Variants in DNAH2 observed in about 807,000 individuals in gnomAD.
The protein encoded by DNAH2 is dynein axonemal heavy chain 2.
In DNAH2, 323 loss-of-function variants were observed where a neutral mutation model predicts 523.5. The ratio of observed to expected loss-of-function variants is 0.62; its 90% CI spans 0.56 to 0.68. The LOEUF is 0.68. Among genes scored for constraint, DNAH2 ranks in the 30% least tolerant of loss-of-function variants. The pLI is 0.00. For synonymous variants in DNAH2, 2,093 were observed against 2,177.4 expected, an observed-to-expected ratio of 0.96 and a Z score of 1.08; for missense variants, 4,907 against 5,701.5, an observed-to-expected ratio of 0.86 and a Z score of 4.49.
intron 13 of DNAH2, 23 bp from the exon 14 acceptor site, chr17:7,758,472 T>C (rs1422623600): frequency 3.1e-6 from 5 of 1,606,292 alleles, no homozygotes; most frequent in Admixed American, 3.4e-5. Flanking sequence ...CCCCTCTGGA[T>C]ACCAGGCCTC....
intron 12 of DNAH2, among the ~76,000 whole-genome samples, chr17:7,756,743 T>C (rs912343555): frequency 2.0e-5 from 3 of 152,232 alleles, no homozygotes; most frequent in Non-Finnish European, 4.4e-5. Context: ...CGATCTCAGC[T>C]CACTGCAACT....
Position 7,833,164 on chromosome 17 carries a change from T to G in DNAH2, c.13072T>G (p.Cys4358Gly), listed in dbSNP as rs1597806856. The G allele has an allele frequency of 1.2e-6, 2 of 1,610,094 alleles. No individual in the cohort carries two copies. Among genetic ancestry groups the G allele is most frequent in the Non-Finnish European group, 1.7e-6 (2 of 1,180,022 alleles). ...GGAGGCAGAGCCCATGCAGCTTGTC[T>G]GCCTCATGCCCACGATCCACTTCCG... ...LVEAEPMQLV[C>G]LMPTIHFRPA... Residue 4358 changes from cysteine to glycine, a missense_variant, in exon 85 of 86, where the codon TGC becomes GGC. Cys to Gly is a radical substitution (Grantham distance 159, BLOSUM62 -3). This residue lies in a region of DNAH2 where 1,851 missense variants were observed against 2,139.4 expected (regional missense o/e 0.87). Transcript: ENST00000572933.
intron 1 of DNAH2, 46 bp downstream of exon 1, chr17:7,718,845 G>A (rs1214659814): frequency 2.6e-5 from 4 of 152,690 alleles, no homozygotes; most frequent in Admixed American, 2.6e-4. Context: ...GCAGATTTTA[G>A]TGGGATTGGG....
chr17:7,781,635 T>C (rs2076607125), intron 39 of DNAH2, among the ~76,000 whole-genome samples: 2 of 152,234 alleles, frequency 1.3e-5, no homozygotes, highest in African/African-American at 4.8e-5. Context: ...TCCTTATCTA[T>C]AAAGCAATAG....
intron 24 of DNAH2, among the ~76,000 whole-genome samples, chr17:7,768,781 G>A (rs571063395): frequency 2.6e-5 from 4 of 152,306 alleles, no homozygotes; most frequent in African/African-American, 4.8e-5. Context: ...TATGACATAT[G>A]AGTGCGATCA....
chr17:7,777,601 C>T lies in DNAH2; in HGVS notation c.5214C>T (p.Asp1738=). 1 of 1,614,196 alleles carries T rather than the reference C, an allele frequency of 6.2e-7. No individual in the cohort carries two copies. The highest frequency in any genetic ancestry group is 1.6e-4 in the Middle Eastern group (1 of 6,062). Residue 1738 remains aspartate, a synonymous_variant, in exon 33 of 86, where the codon GAC becomes GAT. Transcript: ENST00000572933. ...KSGLMDVNSF[D]WLSQLRFYWE... ...GCCTCATGGATGTCAATTCCTTTGA[C>T]TGGCTCAGCCAACTTCGGTTCTACT...
rs2075075281 is a variant in DNAH2, at chr17:7,734,221, A to C, written c.667A>C (p.Ile223Leu). Residue 223 changes from isoleucine (I) to leucine (L), a missense_variant, in exon 6 of 86, where the codon ATC (isoleucine) becomes CTC (leucine). Physicochemically the swap from Ile to Leu is conservative, Grantham distance 5. Transcript: ENST00000572933. ...YKLEGHTVLY[I>L]PAEAMNMKPE... ...ACTGGAGGGGCACACGGTCCTCTAC[A>C]TCCCTGCAGAGGCCATGAACATGAA... The C allele has an allele frequency of 1.2e-6, 2 of 1,605,236 alleles. No individual in the cohort carries two copies. Among genetic ancestry groups the C allele is most frequent in the East Asian group, 2.2e-5 (1 of 44,768 alleles).
intron 79 of DNAH2, 105 bp from the exon 80 acceptor site, chr17:7,830,981 G>T (rs2151353028): frequency 6.6e-7 from 1 of 1,507,288 alleles, no homozygotes; most frequent in East Asian, 2.3e-5. Flanking sequence ...ATGGGGAGCA[G>T]GGCAGGGAGC....
In DNAH2 at chr17:7,777,448, G is replaced by A. The variant is rs1217070005; in HGVS notation, c.5061G>A (p.Val1687=). 5.6e-6 allele frequency: 9 copies of A among 1,614,042 alleles called. No homozygotes were observed. The highest frequency in any genetic ancestry group is 8.5e-7 in the Non-Finnish European group (1 of 1,180,018). ...KILKVMKKNQ[V]SILNKYSEAI... is the part of the protein sequence containing the mutation. ...TTCCCTGCTGCTTCATGCCACAGGTGTCAATCCTGAATAAGTATTCAGAAG... is the reference window on the plus strand; with the variant it reads ...TTCCCTGCTGCTTCATGCCACAGGTATCAATCCTGAATAAGTATTCAGAAG... Residue 1687 remains valine (V), a splice_region_variant and synonymous_variant, in exon 33 of 86, where the codon GTG becomes GTA. Coordinates refer to ENST00000572933, the MANE Select transcript of DNAH2 (RefSeq NM_020877.5).
chr17:7,764,822 C>T (rs2076114772), intron 20 of DNAH2, among the ~76,000 whole-genome samples: 1 of 111,346 alleles, frequency 9.0e-6, no homozygotes, highest in Admixed American at 9.7e-5. Flanking sequence ...GCCTCATTCT[C>T]AGATATACAG....
At position 7,830,853 on chromosome 17, in the gene DNAH2, G is replaced by A. The variant is rs372884177; in HGVS notation, c.12230+11G>A. The A allele has an allele frequency of 4.3e-6, 7 of 1,613,660 alleles. No homozygotes were observed. In the African/African-American group the frequency reaches 6.7e-5, roughly 15 times the overall value. On this transcript the variant is annotated intron_variant, in intron 79 of 85. Transcript: ENST00000572933. ...AACTCCCTTCCACCGGTGAGGGGGA[G>A]GTGGCCCTGGACAGGGAGCCAGAGG...
At chr17:7,803,110 G>A (rs2077268724) in intron 58 of DNAH2, among the ~76,000 whole-genome samples, 1 of 152,178 alleles carries the variant, frequency 6.6e-6, no homozygotes, top group Non-Finnish European at 1.5e-5. Context: ...CACTGGCTGG[G>A]TGTCCTATGA....
chr17:7,818,490 T>C (rs2077750324), intron 69 of DNAH2, 30 bp downstream of exon 69: 4 of 1,612,254 alleles, frequency 2.5e-6, no homozygotes, highest in African/African-American at 2.7e-5. Context: ...CAGACTGAGC[T>C]AGGGTGAAGC....
At position 7,740,935 on chromosome 17, in the gene DNAH2, T is replaced by C. The variant is rs78694185; in HGVS notation, c.1632T>C (p.Tyr544=). The C allele has an allele frequency of 1.2e-3, 1,907 of 1,613,432 alleles. 17 individuals carry two copies. In the African/African-American group the frequency reaches 0.023, roughly 20 times the overall value. Residue 544 remains tyrosine, a synonymous_variant, in exon 11 of 86, where the codon TAT becomes TAC. Transcript: ENST00000572933. ...ACCTGGAGCCCTACGTGGCCCAGTATTCCGGAAAGGCGCGCTGGGTGCACA... is the reference window on the plus strand; with the variant it reads ...ACCTGGAGCCCTACGTGGCCCAGTACTCCGGAAAGGCGCGCTGGGTGCACA... The part of the protein sequence containing the change: ...WPDLEPYVAQ[Y]SGKARWVHIL...
intron 22 of DNAH2, 69 bp from the exon 23 acceptor site, chr17:7,767,831 G>A: frequency 2.5e-6 from 4 of 1,602,276 alleles, no homozygotes; most frequent in Admixed American, 1.7e-5. Flanking sequence ...AGCAGCGAAG[G>A]GCCTGGGCGT....
In DNAH2 at chr17:7,760,040, C is replaced by T. The variant is rs1597564274; in HGVS notation, c.2785+102C>T. 2.6e-6 allele frequency: 4 copies of T among 1,546,492 alleles called. No homozygotes were observed. In the East Asian group the frequency reaches 9.0e-5, roughly 35 times the overall value. On this transcript the variant is annotated intron_variant, in intron 17 of 85. Coordinates refer to ENST00000572933, the MANE Select transcript of DNAH2 (RefSeq NM_020877.5). The surrounding 1 kb of genome is among the most constrained non-coding windows in gnomAD (Gnocchi z 4.0). The stretch of plus-strand genomic sequence containing the variant: ...AGGGCTATTTCCAGGCATACTGGGC[C>T]AGTCACCTCCCTGACCTGGGGAAAA...
chr17:7,727,046 A>G (rs1173531609), intron 3 of DNAH2, 76 bp from the exon 4 acceptor site: 1 of 1,447,988 alleles, frequency 6.9e-7, no homozygotes. Flanking sequence ...CCATGTCCTC[A>G]CTTGTGATTG....
rs772659065 is a variant in DNAH2, at chr17:7,743,187, A to G, written c.1904+45A>G. The G allele has an allele frequency of 3.8e-6, 6 of 1,589,124 alleles. No homozygotes were observed. In the Admixed American group the frequency reaches 1.0e-4, roughly 27 times the overall value. On this transcript the variant is annotated intron_variant, in intron 12 of 85. Coordinates refer to ENST00000572933, the MANE Select transcript of DNAH2 (RefSeq NM_020877.5). ...CCTTTTCCCTATACTCCCCTTCTGC[A>G]GCTCTCCCAAGAATTTCACTCCCAT...
intron 11 of DNAH2, among the ~76,000 whole-genome samples, chr17:7,741,293 T>TCTTTCTTTCTTCCTTC (rs1555540783): frequency 4.9e-4 from 30 of 61,588 alleles, no homozygotes; most frequent in Non-Finnish European, 6.4e-4. Flanking sequence ...TTTCTTTCTT[T>TCTTTCTTTCTTCCTTC]CTTCCTTCCT....
Sources: allele counts gnomAD v4.1 joint callset (sites outside exome capture counted in the v4.1 genomes callset), GRCh38; gene constraint gnomAD v4.1.1; regional missense constraint gnomAD v4.1.1; non-coding constraint Gnocchi (gnomAD v3.1); transcripts MANE v1.5; gene names NCBI Gene and HGNC (gene_info 2026-07-23, HGNC 2026-07-21).